VPS13D: variants seen among roughly 807,000 people sequenced by gnomAD.
The protein encoded by VPS13D is vacuolar protein sorting 13 homolog D.
A neutral mutation model predicts 461.9 loss-of-function variants in VPS13D; 187 were observed. That is an observed-to-expected ratio of 0.40 (90% CI 0.36 to 0.46). The LOEUF (loss-of-function observed/expected upper bound fraction) is 0.46, where lower values mean the gene tolerates loss of function less well. VPS13D is among the 20% of genes least tolerant of loss of function. The probability of loss-of-function intolerance (pLI) is 0.60; values close to 1 mark genes in which losing one functional copy is unlikely to be tolerated. For missense variants in VPS13D, 4,711 were observed against 5,364.9 expected (o/e 0.88, Z 3.81); for synonymous variants, 1,951 against 1,986.3 (o/e 0.98, Z 0.47).
chr1:12,482,769 A>AC (rs1271635214), intron 67 of VPS13D, among the ~76,000 whole-genome samples: 1 of 149,840 alleles, frequency 6.7e-6, no homozygotes, highest in East Asian at 1.9e-4. Flanking sequence ...CATAGTATAC[A>AC]TATATGTATA....
At chr1:12,300,845 C>A (rs890145007) in intron 25 of VPS13D, among the ~76,000 whole-genome samples, 1 of 152,124 alleles carries the variant, frequency 6.6e-6, no homozygotes, top group Admixed American at 6.6e-5. Flanking sequence ...AGAAATGAGG[C>A]CTTGTCATTC....
intron 63 of VPS13D, among the ~76,000 whole-genome samples, chr1:12,414,534 C>G (rs1444932098): frequency 1.3e-5 from 2 of 152,036 alleles, no homozygotes; most frequent in Non-Finnish European, 2.9e-5. Flanking sequence ...ACTGATGATT[C>G]CATTTATATG....
At chr1:12,405,874 C>A (rs545469475) in intron 63 of VPS13D, among the ~76,000 whole-genome samples, 1 of 152,172 alleles carries the variant, frequency 6.6e-6, no homozygotes, top group Non-Finnish European at 1.5e-5. Context: ...ACAGACACCT[C>A]ACTATTCCCT....
chr1:12,244,735 G>GGGCT (rs1271469647), intron 5 of VPS13D, 118 bp downstream of exon 5: 6 of 932,286 alleles, frequency 6.4e-6, no homozygotes, highest in Non-Finnish European at 9.8e-6. Context: ...GGTGTAGATG[G>GGGCT]GGCTGGCTGC....
intron 27 of VPS13D, among the ~76,000 whole-genome samples, chr1:12,309,212 C>CTTTTTTTTTTT (rs201262655): frequency 7.6e-6 from 1 of 131,052 alleles, no homozygotes; most frequent in African/African-American, 2.8e-5. Context: ...TCTTTTTTTT[C>CTTTTTTTTTTT]TTTTTTTTTT....
chr1:12,277,994 A>C lies in VPS13D; in HGVS notation c.4406A>C (p.His1469Pro). The change falls in exon 19 of 70, where the codon CAT becomes CCT. Residue 1469 changes from histidine (H) to proline (P), a missense_variant. His to Pro is a moderately conservative substitution (Grantham distance 77). This residue lies in a region of VPS13D where 4,411 missense variants were observed against 4,937.8 expected (regional missense o/e 0.89). Coordinates refer to ENST00000620676, the MANE Select transcript of VPS13D (RefSeq NM_015378.4). Reference sequence around the variant, plus strand: ...AGTGCCAACAGTCAGGAGGAAGCTCATTTCACACGACATGATTTCTTTGAA... The same window carrying C: ...AGTGCCAACAGTCAGGAGGAAGCTCCTTTCACACGACATGATTTCTTTGAA... ...SGSANSQEEA[H>P]FTRHDFFESL... is the part of the protein sequence containing the mutation. 1 of 1,614,126 alleles carries C rather than the reference A, an allele frequency of 6.2e-7. No homozygotes were observed. The highest frequency in any genetic ancestry group is 8.5e-7 in the Non-Finnish European group (1 of 1,180,004).
chr1:12,460,496 T>C, intron 67 of VPS13D, 100 bp downstream of exon 67: 4 of 1,119,598 alleles, frequency 3.6e-6, no homozygotes, highest in Non-Finnish European at 4.6e-6. Context: ...TTCTTAGTTA[T>C]AGGGTTTTTA....
At chr1:12,326,685 C>A (rs1007769535) in intron 35 of VPS13D, among the ~76,000 whole-genome samples, 1 of 151,618 alleles carries the variant, frequency 6.6e-6, no homozygotes, top group Admixed American at 6.6e-5. Context: ...CTCTTGTTGC[C>A]CAAGCTGGAG....
chr1:12,458,577 A>AT (rs1488560607), intron 66 of VPS13D, among the ~76,000 whole-genome samples: 5 of 152,198 alleles, frequency 3.3e-5, no homozygotes, highest in Non-Finnish European at 7.3e-5. Flanking sequence ...TAAAAAAAAA[A>AT]AAAGTTTGGG....
At chr1:12,390,908 C>T (rs1644416825) in intron 60 of VPS13D, among the ~76,000 whole-genome samples, 1 of 152,164 alleles carries the variant, frequency 6.6e-6, no homozygotes, top group African/African-American at 2.4e-5. Context: ...GTCCACAGAA[C>T]AGGTCATCCT....
chr1:12,353,458 G>A (rs1413901569), intron 46 of VPS13D, among the ~76,000 whole-genome samples: 4 of 150,854 alleles, frequency 2.7e-5, no homozygotes, highest in African/African-American at 7.3e-5. Context: ...GCATGAACCC[G>A]GGAGGTGGAG....
intron 68 of VPS13D, among the ~76,000 whole-genome samples, chr1:12,503,760 G>A (rs1048398138): frequency 2.0e-5 from 3 of 152,252 alleles, no homozygotes; most frequent in African/African-American, 7.2e-5. Flanking sequence ...TTCCCTTGAG[G>A]TTTTTCCAAC....
chr1:12,370,547 T>A (rs1340241956), intron 54 of VPS13D, among the ~76,000 whole-genome samples: 1 of 152,230 alleles, frequency 6.6e-6, no homozygotes, highest in East Asian at 1.9e-4. Flanking sequence ...ATCTCTCTCA[T>A]CTGCTTAGAG....
At chr1:12,351,521 C>T (rs1477225531) in intron 46 of VPS13D, among the ~76,000 whole-genome samples, 2 of 151,958 alleles carry the variant, frequency 1.3e-5, no homozygotes, top group African/African-American at 2.4e-5. Context: ...AACTCCTGAC[C>T]TCAGGCAATC....
chr1:12,348,837 A>G lies in VPS13D; in HGVS notation c.9084A>G (p.Pro3028=), dbSNP rs766477964. ...IHPQVYFSSL[P]PVRVVFAVTM... is the part of the protein sequence containing the mutation. ...CTCTTTCACAGTTCTCTTCACTCCC[A>G]CCAGTGCGGGTGGTCTTTGCAGTGA... The change falls in exon 45 of 70, where the codon CCA becomes CCG. Residue 3028 remains proline (P), a synonymous_variant. Transcript: ENST00000620676. 1 of 1,614,120 alleles carries G rather than the reference A, an allele frequency of 6.2e-7. No homozygotes were observed. Among genetic ancestry groups the G allele is most frequent in the Non-Finnish European group, 8.5e-7 (1 of 1,180,010 alleles).
chr1:12,454,513 A>G (rs1464978580), intron 65 of VPS13D, among the ~76,000 whole-genome samples: 1 of 152,256 alleles, frequency 6.6e-6, no homozygotes, highest in African/African-American at 2.4e-5. Flanking sequence ...CCTAGGTTGT[A>G]AAATATTTGG....
chr1:12,349,084 GTCTT>G, intron 45 of VPS13D, 76 bp from the exon 46 acceptor site: 1 of 1,610,332 alleles, frequency 6.2e-7, no homozygotes, highest in Non-Finnish European at 8.5e-7. Context: ...TATATGGTCT[GTCTT>G]CTTTTGTCCT....
At chr1:12,488,561 T>G (rs1363750408) in intron 67 of VPS13D, among the ~76,000 whole-genome samples, 3 of 151,670 alleles carry the variant, frequency 2.0e-5, no homozygotes, top group African/African-American at 7.3e-5. Context: ...AGAAAAAGAT[T>G]ATATAATCAT....
At position 12,393,309 on chromosome 1, in the gene VPS13D, A is replaced by G. The variant is rs1283332135; in HGVS notation, c.11635-6872A>G. 3.3e-5 allele frequency among the ~76,000 whole-genome samples: 5 copies of G among 152,238 alleles called. No homozygotes were observed. In the East Asian group the frequency reaches 9.6e-4, roughly 29 times the overall value. On this transcript the variant is annotated intron_variant, in intron 60 of 69. Coordinates refer to ENST00000620676, the MANE Select transcript of VPS13D (RefSeq NM_015378.4). ...CTCTCCAAATAAGATTATGACACAA[A>G]CCTGGAGAGTTGATATACCCCTGCG...
Sources: allele counts gnomAD v4.1 joint callset (sites outside exome capture counted in the v4.1 genomes callset), GRCh38; gene constraint gnomAD v4.1.1; regional missense constraint gnomAD v4.1.1; transcripts MANE v1.5; gene names NCBI Gene and HGNC (gene_info 2026-07-23, HGNC 2026-07-21).